The following PCDH15 variants were observed in gnomAD, a reference collection of about 807,000 sequenced individuals.
PCDH15 encodes the protein protocadherin related 15.
A neutral mutation model predicts 178.5 loss-of-function variants in PCDH15; 129 were observed. The ratio of observed to expected loss-of-function variants is 0.72; its 90% CI spans 0.63 to 0.84. The LOEUF is 0.84. PCDH15 is among the 40% of genes least tolerant of loss of function. The pLI is 0.00. For missense variants in PCDH15, 2,230 were observed against 2,099.9 expected, an observed-to-expected ratio of 1.06 and a Z score of -1.21; for synonymous variants, 800 against 732.0, an observed-to-expected ratio of 1.09 and a Z score of -1.50.
At chr10:54,277,930 A>C (rs1249844963) in intron 8 of PCDH15, among the ~76,000 whole-genome samples, 1 of 151,482 alleles carries the variant, frequency 6.6e-6, no homozygotes, top group African/African-American at 2.4e-5. Flanking sequence ...GAAATGAAGA[A>C]AATAGCACAC....
At chr10:55,570,752 A>G (rs1842393845) in intron 2 of PCDH15, among the ~76,000 whole-genome samples, 1 of 152,054 alleles carries the variant, frequency 6.6e-6, no homozygotes, top group African/African-American at 2.4e-5. Context: ...AAATGTTTTC[A>G]AATGCTATTG....
intron 2 of PCDH15, among the ~76,000 whole-genome samples, chr10:55,377,079 T>C (rs1837410654): frequency 6.6e-6 from 1 of 151,468 alleles, no homozygotes; most frequent in Non-Finnish European, 1.5e-5. Context: ...AGTTCATATA[T>C]TGGGCAATTG....
At chr10:54,515,416 C>T (rs1404782066) in intron 3 of PCDH15, among the ~76,000 whole-genome samples, 1 of 152,172 alleles carries the variant, frequency 6.6e-6, no homozygotes, top group East Asian at 1.9e-4. Flanking sequence ...AGGCGGCAGA[C>T]AGGCTGGGGG....
At chr10:54,783,588 G>A (rs931637953) in intron 1 of PCDH15, among the ~76,000 whole-genome samples, 2 of 152,108 alleles carry the variant, frequency 1.3e-5, no homozygotes, top group African/African-American at 4.8e-5. Context: ...AGTAAGAGCT[G>A]AAAAATTCCC....
intron 2 of PCDH15, among the ~76,000 whole-genome samples, chr10:55,085,820 G>A (rs1765284671): frequency 6.6e-6 from 1 of 151,592 alleles, no homozygotes; most frequent in South Asian, 2.1e-4. Context: ...CTGATAATTT[G>A]TTTATAATTA....
intron 23 of PCDH15, among the ~76,000 whole-genome samples, chr10:53,952,927 G>C (rs2087218572): frequency 6.6e-6 from 1 of 152,364 alleles, no homozygotes; most frequent in South Asian, 2.1e-4. Flanking sequence ...AGCAGGCCCT[G>C]GAAGCAGGGA....
chr10:54,372,105 A>C (rs185861814), intron 4 of PCDH15, among the ~76,000 whole-genome samples: 367 of 152,086 alleles, frequency 2.4e-3, no homozygotes, highest in Admixed American at 6.1e-3. Context: ...TTAAAAACAA[A>C]ATAAATATGT....
At chr10:54,348,062 A>G (rs1450288170) in intron 5 of PCDH15, among the ~76,000 whole-genome samples, 1 of 151,856 alleles carries the variant, frequency 6.6e-6, no homozygotes, top group Non-Finnish European at 1.5e-5. Flanking sequence ...GTTAGCAAGG[A>G]TGGTCTCGAT....
chr10:55,018,800 AT>A (rs1840250770), intron 2 of PCDH15, among the ~76,000 whole-genome samples: 1 of 152,154 alleles, frequency 6.6e-6, no homozygotes, highest in African/African-American at 2.4e-5. Context: ...TTTTGTTGAC[AT>A]TGAGGCTAGA....
chr10:55,608,195 T>C (rs1843276066), intron 2 of PCDH15, among the ~76,000 whole-genome samples: 1 of 151,182 alleles, frequency 6.6e-6, no homozygotes, highest in African/African-American at 2.4e-5. Flanking sequence ...AGCGAGTGAC[T>C]ATAATTTGTA....
chr10:55,183,654 C>A, intron 1 of PCDH15, among the ~76,000 whole-genome samples: 2 of 138,612 alleles, frequency 1.4e-5, no homozygotes, highest in Non-Finnish European at 1.5e-5. Context: ...AGAGGAAAGG[C>A]GGGGGTAACA....
chr10:55,302,520 G>A (rs1481505536), intron 1 of PCDH15, among the ~76,000 whole-genome samples: 1 of 152,116 alleles, frequency 6.6e-6, no homozygotes, highest in South Asian at 2.1e-4. Flanking sequence ...TGCACCTAGA[G>A]TGTCAAGACA....
At chr10:54,186,161 T>C (rs1163711934) in intron 11 of PCDH15, among the ~76,000 whole-genome samples, 1 of 151,976 alleles carries the variant, frequency 6.6e-6, no homozygotes, top group African/African-American at 2.4e-5. Flanking sequence ...AGTGGACTAT[T>C]ATGAAGGCTT....
At chr10:54,215,736 A>G (rs963244599) in intron 9 of PCDH15, among the ~76,000 whole-genome samples, 2 of 152,158 alleles carry the variant, frequency 1.3e-5, no homozygotes, top group African/African-American at 4.8e-5. Flanking sequence ...AAACTGAGAA[A>G]ACATTTGAAA....
At chr10:55,098,537 C>T (rs939717195) in intron 2 of PCDH15, among the ~76,000 whole-genome samples, 1 of 152,078 alleles carries the variant, frequency 6.6e-6, no homozygotes, top group African/African-American at 2.4e-5. Flanking sequence ...AAGGCTACCT[C>T]AGACTAGACA....
At chr10:54,548,573 AATAT>A (rs1440206469) in intron 2 of PCDH15, among the ~76,000 whole-genome samples, 1 of 146,602 alleles carries the variant, frequency 6.8e-6, no homozygotes. Flanking sequence ...ATTATTATAT[AATAT>A]ATATTATTGT....
chr10:55,429,359 A>G (rs1212228998), intron 2 of PCDH15, among the ~76,000 whole-genome samples: 2 of 152,108 alleles, frequency 1.3e-5, no homozygotes, highest in African/African-American at 4.8e-5. Flanking sequence ...GACACTAGTA[A>G]TACAGGTTTA....
chr10:55,368,652 A>G (rs1845423096), intron 2 of PCDH15, among the ~76,000 whole-genome samples: 1 of 152,024 alleles, frequency 6.6e-6, no homozygotes, highest in East Asian at 1.9e-4. Flanking sequence ...TAACACTGGT[A>G]GTTCTAAGAA....
chr10:54,404,225 C>CA (rs1419172722), intron 3 of PCDH15, among the ~76,000 whole-genome samples: 1 of 151,756 alleles, frequency 6.6e-6, no homozygotes, highest in East Asian at 1.9e-4. Flanking sequence ...CATTCCTAAG[C>CA]AAAAAATACA....
Sources: allele counts gnomAD v4.1 joint callset (sites outside exome capture counted in the v4.1 genomes callset), GRCh38; gene constraint gnomAD v4.1.1; transcripts MANE v1.5; gene names NCBI Gene and HGNC (gene_info 2026-07-23, HGNC 2026-07-21).